DENND1B: variants seen among roughly 807,000 people sequenced by gnomAD.
DENND1B encodes DENN domain-containing protein 1B.
In DENND1B, 59 loss-of-function variants were observed where a neutral mutation model predicts 90.1. The observed-to-expected ratio is 0.65, with a 90% CI of 0.53 to 0.81. The LOEUF (loss-of-function observed/expected upper bound fraction) is 0.81, where lower values mean the gene tolerates loss of function less well. DENND1B is among the 40% of genes least tolerant of loss of function. DENND1B has a pLI of 0.00. For missense variants in DENND1B, 862 were observed against 912.6 expected (o/e 0.94, Z 0.71); for synonymous variants, 337 against 324.6 (o/e 1.04, Z -0.41).
intron 13 of DENND1B, among the ~76,000 whole-genome samples, chr1:197,602,672 T>C (rs992942746): frequency 1.3e-5 from 2 of 151,318 alleles, no homozygotes; most frequent in African/African-American, 2.4e-5. Flanking sequence ...GAATTAAACA[T>C]ATCCATTGAC....
At chr1:197,743,382 T>C (rs1422919343) in intron 2 of DENND1B, among the ~76,000 whole-genome samples, 8 of 116,310 alleles carry the variant, frequency 6.9e-5, no homozygotes, top group African/African-American at 3.0e-4. Flanking sequence ...TGCAATAGCA[T>C]TATGTCTTTA....
rs984350022 is a variant in DENND1B at position 197,567,958 on chromosome 1, G to T, written c.1150-14846C>A. On this transcript the variant is annotated intron_variant, in intron 15 of 22. Coordinates refer to ENST00000620048, the MANE Select transcript of DENND1B (RefSeq NM_001195215.2). ...AATCCTAGTTAGAGCAATTCATGAG[G>T]AAATAGAAATAAAAGGCATCCAAAC... is the stretch of plus-strand genomic sequence containing the variant. 1.4e-5 allele frequency among the ~76,000 whole-genome samples: 2 copies of T among 147,654 alleles called. 1 individual carries two copies. Among genetic ancestry groups the T allele is most frequent in the East Asian group, 4.2e-4 (2 of 4,710 alleles).
chr1:197,691,866 A>G (rs1227522785), intron 3 of DENND1B, among the ~76,000 whole-genome samples: 1 of 151,986 alleles, frequency 6.6e-6, no homozygotes, highest in African/African-American at 2.4e-5. Context: ...TCTCAAAAAG[A>G]CAAATACTGC....
At chr1:197,585,818 A>G (rs1385194103) in intron 14 of DENND1B, among the ~76,000 whole-genome samples, 1 of 152,202 alleles carries the variant, frequency 6.6e-6, no homozygotes, top group Non-Finnish European at 1.5e-5. Context: ...GGAAGCCTCA[A>G]TTACTGTCAT....
chr1:197,638,820 C>T (rs923482942), intron 10 of DENND1B, among the ~76,000 whole-genome samples: 2 of 151,904 alleles, frequency 1.3e-5, no homozygotes, highest in African/African-American at 4.8e-5. Context: ...GAAACCGTTC[C>T]ATGTGTACTT....
chr1:197,579,123 A>G (rs1673965198), intron 15 of DENND1B, among the ~76,000 whole-genome samples: 2 of 152,166 alleles, frequency 1.3e-5, no homozygotes, highest in South Asian at 4.1e-4. Context: ...AATGATTAGG[A>G]GTTTTAATTT....
At position 197,661,125 on chromosome 1, in the gene DENND1B, T is replaced by A. The variant is rs190570500; in HGVS notation, c.297-2756A>T. 2.0e-5 allele frequency among the ~76,000 whole-genome samples: 3 copies of A among 152,246 alleles called. No homozygotes were observed. In the East Asian group the frequency reaches 5.8e-4, roughly 29 times the overall value. ...GGGGAATCTAAAAATTAGAAATTACTATTGGTAATCTCAATTTTCCTACTT... is the reference window on the plus strand; with the variant it reads ...GGGGAATCTAAAAATTAGAAATTACAATTGGTAATCTCAATTTTCCTACTT... On this transcript the variant is annotated intron_variant, in intron 5 of 22. Coordinates refer to ENST00000620048, the MANE Select transcript of DENND1B (RefSeq NM_001195215.2).
intron 15 of DENND1B, among the ~76,000 whole-genome samples, chr1:197,556,371 A>T (rs960409799): frequency 1.3e-5 from 2 of 152,028 alleles, no homozygotes; most frequent in Non-Finnish European, 2.9e-5. Context: ...ATGAATGGAA[A>T]CAACTATTAA....
At chr1:197,622,551 A>G (rs1364129812) in intron 10 of DENND1B, among the ~76,000 whole-genome samples, 1 of 151,588 alleles carries the variant, frequency 6.6e-6, no homozygotes, top group African/African-American at 2.4e-5. Flanking sequence ...TTTGGACCGG[A>G]CAATCAAACA....
At chr1:197,610,355 T>C (rs1677070544) in intron 12 of DENND1B, among the ~76,000 whole-genome samples, 1 of 150,736 alleles carries the variant, frequency 6.6e-6, no homozygotes, top group African/African-American at 2.4e-5. Flanking sequence ...TCCAAGAATA[T>C]ATGATAAATT....
chr1:197,564,295 T>C (rs936150776), intron 15 of DENND1B, among the ~76,000 whole-genome samples: 1 of 150,228 alleles, frequency 6.7e-6, no homozygotes, highest in Non-Finnish European at 1.5e-5. Flanking sequence ...CAAATTTCAT[T>C]GCTGTCTTAT....
At chr1:197,684,835 T>C (rs1657063608) in intron 3 of DENND1B, among the ~76,000 whole-genome samples, 1 of 152,140 alleles carries the variant, frequency 6.6e-6, no homozygotes, top group Admixed American at 6.6e-5. Context: ...ATTTAAAATC[T>C]GGACCAGGCA....
rs1163983682 is a variant in DENND1B at position 197,540,039 on chromosome 1, A to T, written c.1440T>A (p.Ser480Arg). The T allele has an allele frequency of 1.2e-6, 2 of 1,611,826 alleles. No individual in the cohort carries two copies. Among genetic ancestry groups the T allele is most frequent in the Non-Finnish European group, 1.7e-6 (2 of 1,179,008 alleles). Residue 480 changes from serine to arginine, a missense_variant, in exon 20 of 23, where the codon AGT (serine) becomes AGA (arginine). Physicochemically the swap from Ser to Arg is moderately radical, Grantham distance 110 (BLOSUM62 -1). Coordinates refer to ENST00000620048, the MANE Select transcript of DENND1B (RefSeq NM_001195215.2). ...ENEEDYGTCS[S>R]SVQYTPVYKL... Reference sequence around the variant, plus strand: ...TGTAAACTGGTGTATATTGTACAGAACTAGAACAGGTCCCATAATCTTCTT... The same window carrying T: ...TGTAAACTGGTGTATATTGTACAGATCTAGAACAGGTCCCATAATCTTCTT...
intron 14 of DENND1B, among the ~76,000 whole-genome samples, chr1:197,594,547 A>G (rs1036272313): frequency 6.6e-6 from 1 of 152,168 alleles, no homozygotes; most frequent in South Asian, 2.1e-4. Context: ...GAATAGTGTA[A>G]TAATTTCTGT....
intron 2 of DENND1B, among the ~76,000 whole-genome samples, chr1:197,721,255 A>T (rs2102272569): frequency 6.6e-6 from 1 of 151,844 alleles, no homozygotes; most frequent in African/African-American, 2.4e-5. Context: ...TATTTTTAGT[A>T]GAGACAGGTT....
At position 197,527,224 on chromosome 1, in the gene DENND1B, A is replaced by AT. The variant is rs1042288232; in HGVS notation, c.1515+12739dup. On this transcript the variant is annotated intron_variant, in intron 20 of 22. Coordinates refer to ENST00000620048, the MANE Select transcript of DENND1B (RefSeq NM_001195215.2). ...TAAAATGTGTTTTCATTTAGGCAGT[A>AT]TTTTTTTTATGGACATGGACGTGTG... 4.6e-5 allele frequency among the ~76,000 whole-genome samples: 7 copies of AT among 151,326 alleles called. No homozygotes were observed. The East Asian group carries it at 5.8e-4, about 13-fold the overall frequency.
chr1:197,596,091 C>T (rs1483788374), intron 13 of DENND1B, among the ~76,000 whole-genome samples: 1 of 151,992 alleles, frequency 6.6e-6, no homozygotes, highest in East Asian at 1.9e-4. Flanking sequence ...AATTCAGTAT[C>T]ATTGCCTCAT....
chr1:197,628,206 C>G lies in DENND1B; in HGVS notation c.673-10447G>C, dbSNP rs1181139606. Among the ~76,000 whole-genome samples, 3 of 152,068 alleles carry G rather than the reference C, an allele frequency of 2.0e-5. No individual in the cohort carries two copies. In the East Asian group the frequency reaches 5.8e-4, roughly 29 times the overall value. ...AGTTCATATAGAACCAAAAAAGAGC[C>G]CGCATCGCCAAGTCAATCCTAAGCC... On this transcript the variant is annotated intron_variant, in intron 10 of 22. Transcript: ENST00000620048.
intron 13 of DENND1B, among the ~76,000 whole-genome samples, chr1:197,600,310 C>T (rs933731213): frequency 6.6e-6 from 1 of 151,834 alleles, no homozygotes; most frequent in Non-Finnish European, 1.5e-5. Flanking sequence ...TGGACTGGTG[C>T]ATATTTAACA....
Sources: gnomAD v4.1 joint callset for allele counts (sites outside exome capture counted in the v4.1 genomes callset) on GRCh38, gnomAD v4.1.1 for gene constraint, MANE v1.5 for transcripts, NCBI Gene and HGNC (gene_info 2026-07-23, HGNC 2026-07-21) for gene names.